ADK: variants seen among roughly 807,000 people sequenced by gnomAD.
ADK encodes the protein adenosine kinase, also known as N6,N6-dimethyladenosine kinase.
In ADK, 24 loss-of-function variants were observed where a neutral mutation model predicts 44.7. The ratio of observed to expected loss-of-function variants is 0.54; its 90% CI spans 0.39 to 0.76. The LOEUF is 0.76. ADK is among the 30% of genes least tolerant of loss of function. The probability of loss-of-function intolerance (pLI) is 0.00; values close to 1 mark genes in which losing one functional copy is unlikely to be tolerated. For missense variants in ADK, 321 were observed against 425.1 expected, an observed-to-expected ratio of 0.76 and a Z score of 2.15; for synonymous variants, 128 against 142.6, an observed-to-expected ratio of 0.90 and a Z score of 0.73.
At chr10:74,676,286 C>T (rs761251682) in intron 10 of ADK, among the ~76,000 whole-genome samples, 3 of 152,100 alleles carry the variant, frequency 2.0e-5, no homozygotes, top group South Asian at 2.1e-4. Context: ...TCCGCCATCA[C>T]GCCTGGCTAA....
At chr10:74,220,502 C>T (rs888138473) in intron 2 of ADK, among the ~76,000 whole-genome samples, 2 of 152,086 alleles carry the variant, frequency 1.3e-5, no homozygotes, top group African/African-American at 2.4e-5. Flanking sequence ...AAGAGGGAAT[C>T]CTCCCTAACT....
chr10:74,445,610 C>T (rs1845565169), intron 6 of ADK, among the ~76,000 whole-genome samples: 1 of 151,886 alleles, frequency 6.6e-6, no homozygotes, highest in Non-Finnish European at 1.5e-5. Flanking sequence ...ATATTTACAC[C>T]TGCTTGAAGG....
intron 6 of ADK, among the ~76,000 whole-genome samples, chr10:74,492,232 A>G (rs922168122): frequency 2.6e-5 from 4 of 152,132 alleles, no homozygotes; most frequent in Admixed American, 2.6e-4. Flanking sequence ...TCTTATTCAA[A>G]TTTTTTCAGT....
At position 74,567,730 on chromosome 10, in the gene ADK, G is replaced by A. The variant is rs184490820; in HGVS notation, c.727-21552G>A. Among the ~76,000 whole-genome samples, 323 of 125,828 alleles carry A rather than the reference G, an allele frequency of 2.6e-3. 2 individuals are homozygous for A. The highest frequency in any genetic ancestry group is 9.6e-3 in the African/African-American group (306 of 31,952). The allele number at this position is 125,828 out of a possible 152,430, so 82.5% of individuals were successfully genotyped here. A position where few individuals can be genotyped will look rare whatever the true frequency, so the allele number is the denominator to read the frequency against. On this transcript the variant is annotated intron_variant, in intron 7 of 10. Transcript: ENST00000539909. ...TTTTTTTTTTTTGAGATGGAGTCTC[G>A]CTCTGTCGCCCAGGCTGGAGTGCAG... is the stretch of plus-strand genomic sequence containing the variant.
rs765860637 is a variant in ADK, at chr10:74,394,127, T to G, written c.274-14T>G. On this transcript the variant is annotated splice_polypyrimidine_tract_variant and intron_variant, in intron 4 of 10. Coordinates refer to ENST00000539909, the MANE Select transcript of ADK (RefSeq NM_006721.4). The stretch of plus-strand genomic sequence containing the variant: ...TTTTTGCCCCATTAAATTATTTATG[T>G]TCCTGTTTTACAGTGGATGATTCAA... 9.3e-6 allele frequency: 15 copies of G among 1,613,896 alleles called. No homozygotes were observed. In the East Asian group the frequency reaches 3.1e-4, roughly 34 times the overall value.
At chr10:74,703,993 A>C (rs1286615343) in intron 10 of ADK, among the ~76,000 whole-genome samples, 1 of 152,230 alleles carries the variant, frequency 6.6e-6, no homozygotes, top group Admixed American at 6.5e-5. Context: ...AATCCTTTTC[A>C]AATAAAATAC....
At chr10:74,420,884 C>T (rs547811916) in intron 6 of ADK, among the ~76,000 whole-genome samples, 31 of 151,954 alleles carry the variant, frequency 2.0e-4, no homozygotes, top group East Asian at 1.2e-3. Context: ...TTACAAACGA[C>T]GGGAAAGAAA....
At chr10:74,596,551 CTT>C (rs1397377612) in intron 8 of ADK, among the ~76,000 whole-genome samples, 7 of 136,516 alleles carry the variant, frequency 5.1e-5, no homozygotes, top group Admixed American at 1.4e-4. Context: ...CTCTCTCTCT[CTT>C]TTTTTTTTTT....
intron 4 of ADK, among the ~76,000 whole-genome samples, chr10:74,320,892 A>C (rs1418192939): frequency 6.6e-6 from 1 of 152,190 alleles, no homozygotes; most frequent in East Asian, 1.9e-4. Context: ...GAGAGTGTCG[A>C]ATATGCATCA....
At chr10:74,704,871 G>C (rs921379629) in intron 10 of ADK, among the ~76,000 whole-genome samples, 2 of 152,124 alleles carry the variant, frequency 1.3e-5, no homozygotes, top group Non-Finnish European at 2.9e-5. Context: ...GAGCATTTTC[G>C]CCTCACAGTT....
chr10:74,341,256 A>T (rs1278750239), intron 4 of ADK, among the ~76,000 whole-genome samples: 2 of 151,806 alleles, frequency 1.3e-5, no homozygotes, highest in African/African-American at 4.8e-5. Context: ...GCGGTGGCTT[A>T]CTCCTGTTAA....
chr10:74,656,854 T>C lies in ADK; in HGVS notation c.878-13329T>C, dbSNP rs1386495073. On this transcript the variant is annotated intron_variant, in intron 9 of 10. Coordinates refer to ENST00000539909, the MANE Select transcript of ADK (RefSeq NM_006721.4). ...CCACATGAGAGCGTTCTGTGTTTTG[T>C]GGTGTTTGTTTTGTTTTGTTTTAGA... 2.6e-5 allele frequency among the ~76,000 whole-genome samples: 4 copies of C among 152,164 alleles called. No individual in the cohort carries two copies. In the East Asian group the frequency reaches 7.7e-4, roughly 29 times the overall value.
At position 74,332,059 on chromosome 10, in the gene ADK, T is replaced by A. The variant is rs556371406; in HGVS notation, c.273+17314T>A. ...TTTTTGTAGAGACAGAATTTCACCC[T>A]GTTGACCAGGCTGGTATTAAACTCC... On this transcript the variant is annotated intron_variant, in intron 4 of 10. Coordinates refer to ENST00000539909, the MANE Select transcript of ADK (RefSeq NM_006721.4). Among the ~76,000 whole-genome samples, 87 of 152,178 alleles carry A rather than the reference T, an allele frequency of 5.7e-4. No homozygotes were observed. The Middle Eastern group carries it at 0.014, about 24-fold the overall frequency.
At chr10:74,610,634 A>G (rs1326927546) in intron 9 of ADK, among the ~76,000 whole-genome samples, 1 of 152,142 alleles carries the variant, frequency 6.6e-6, no homozygotes, top group East Asian at 1.9e-4. Flanking sequence ...AAAGAGTAAG[A>G]TGCTGGGGGT....
At chr10:74,316,124 C>T (rs2131808342) in intron 4 of ADK, among the ~76,000 whole-genome samples, 1 of 152,024 alleles carries the variant, frequency 6.6e-6, no homozygotes, top group Non-Finnish European at 1.5e-5. Context: ...TCTCTAATCC[C>T]AGCTACTTGG....
In ADK at chr10:74,558,866, C is replaced by T. The variant is rs542834365; in HGVS notation, c.727-30416C>T. 9.2e-5 allele frequency among the ~76,000 whole-genome samples: 14 copies of T among 152,240 alleles called. No individual in the cohort carries two copies. The East Asian group carries it at 2.5e-3, about 27-fold the overall frequency. On this transcript the variant is annotated intron_variant, in intron 7 of 10. Coordinates refer to ENST00000539909, the MANE Select transcript of ADK (RefSeq NM_006721.4). ...CACCTTGATTTTACCCTAGTGAGGCCGGGCTGGACTTCTGATGCTTCAGAG... is the reference window on the plus strand; with the variant it reads ...CACCTTGATTTTACCCTAGTGAGGCTGGGCTGGACTTCTGATGCTTCAGAG...
At chr10:74,668,055 G>T (rs1855027817) in intron 9 of ADK, among the ~76,000 whole-genome samples, 1 of 152,004 alleles carries the variant, frequency 6.6e-6, no homozygotes, top group Non-Finnish European at 1.5e-5. Context: ...ATGTTTTATA[G>T]ACATGTTAGA....
intron 4 of ADK, among the ~76,000 whole-genome samples, chr10:74,339,827 A>G (rs1841526591): frequency 6.6e-6 from 1 of 152,218 alleles, no homozygotes; most frequent in African/African-American, 2.4e-5. Context: ...AAGATCAATT[A>G]CTGTTCATTT....
intron 7 of ADK, among the ~76,000 whole-genome samples, chr10:74,541,046 G>A (rs930044428): frequency 7.9e-5 from 12 of 151,812 alleles, no homozygotes; most frequent in Admixed American, 3.3e-4. Flanking sequence ...ATGGAGTCTT[G>A]CTCTGTTGCC....
Sources: gnomAD v4.1 joint callset for allele counts (sites outside exome capture counted in the v4.1 genomes callset) on GRCh38, gnomAD v4.1.1 for gene constraint, MANE v1.5 for transcripts, NCBI Gene and HGNC (gene_info 2026-07-23, HGNC 2026-07-21) for gene names.